TRPM3: variants seen among roughly 807,000 people sequenced by gnomAD.
TRPM3 encodes transient receptor potential cation channel subfamily M member 3, also known as long transient receptor potential channel 3.
TRPM3 carries 77 observed loss-of-function variants against 181.2 expected under a neutral mutation model. That is an observed-to-expected ratio of 0.42 (90% confidence interval 0.35 to 0.51). The LOEUF (loss-of-function observed/expected upper bound fraction) is 0.51. Ranked by LOEUF, TRPM3 falls within the 20% of genes least tolerant of loss-of-function variation. TRPM3 has a pLI of 0.01. For missense variants in TRPM3, 1,759 were observed against 2,196.7 expected, an observed-to-expected ratio of 0.80 and a Z score of 3.98; for synonymous variants, 745 against 796.4, an observed-to-expected ratio of 0.94 and a Z score of 1.09.
intron 1 of TRPM3, among the ~76,000 whole-genome samples, chr9:71,343,495 T>C (rs2091096768): frequency 6.6e-6 from 1 of 152,090 alleles, no homozygotes; most frequent in Non-Finnish European, 1.5e-5. Flanking sequence ...TCTGTTGATA[T>C]TGTTGAGAGC....
At chr9:71,425,346 A>G (rs2093845245) in intron 1 of TRPM3, among the ~76,000 whole-genome samples, 1 of 152,104 alleles carries the variant, frequency 6.6e-6, no homozygotes, top group Non-Finnish European at 1.5e-5. Context: ...AGCATGTTCA[A>G]AACTTGGCCT....
chr9:71,196,920 C>T (rs2078411021), intron 1 of TRPM3, among the ~76,000 whole-genome samples: 1 of 151,704 alleles, frequency 6.6e-6, no homozygotes, highest in African/African-American at 2.4e-5. Flanking sequence ...GCACAATGTG[C>T]AGGTTAGTTA....
intron 9 of TRPM3, among the ~76,000 whole-genome samples, chr9:70,655,305 C>CAAAAAA (rs1169901529): frequency 0.026 from 820 of 31,076 alleles, 30 homozygotes; most frequent in African/African-American, 0.032. Context: ...GACTCCGTCT[C>CAAAAAA]AAAAAAAAAA....
In TRPM3 at chr9:70,530,101, C is replaced by T. The variant is rs1384110823; in HGVS notation, c.*5852G>A. ...AAATTGGACGAGGTCAATGTGAACA[C>T]CAGCCGGGGTAGAGGCAGGAGGAGG... On this transcript the variant is annotated 3_prime_UTR_variant, in exon 26 of 26. Coordinates refer to ENST00000677713, the MANE Select transcript of TRPM3 (RefSeq NM_001366145.2). The T allele has an allele frequency of 6.6e-6, 1 of 152,234 alleles. No homozygotes were observed. The highest frequency in any genetic ancestry group is 1.5e-5 in the Non-Finnish European group (1 of 68,096). The allele number at this position is 152,234 out of a possible 1,614,324, so 9.4% of individuals were successfully genotyped here. A position where few individuals can be genotyped will look rare whatever the true frequency, so the allele number is the denominator to read the frequency against.
intron 17 of TRPM3, 42 bp from the exon 18 acceptor site, chr9:70,616,117 G>A: frequency 2.8e-6 from 4 of 1,448,204 alleles, no homozygotes; most frequent in African/African-American, 2.9e-5. Flanking sequence ...CACATTTAAA[G>A]GATTAAGATT....
intron 1 of TRPM3, among the ~76,000 whole-genome samples, chr9:71,353,141 C>CA (rs765373049): frequency 3.3e-5 from 5 of 152,026 alleles, no homozygotes; most frequent in Non-Finnish European, 7.4e-5. Context: ...ATTCATCCTT[C>CA]AGGTTACTGC....
At chr9:71,251,725 C>A (rs150764390) in intron 1 of TRPM3, among the ~76,000 whole-genome samples, 1,745 of 152,164 alleles carry the variant, frequency 0.011, 30 homozygotes, top group African/African-American at 0.04. Flanking sequence ...TCCAATTATA[C>A]CCTTTTAGTT....
chr9:71,039,308 G>A (rs1387008066), intron 1 of TRPM3, among the ~76,000 whole-genome samples: 2 of 152,146 alleles, frequency 1.3e-5, no homozygotes, highest in Non-Finnish European at 2.9e-5. Flanking sequence ...CTATACAGAA[G>A]GCTACACAGA....
chr9:71,227,494 G>A (rs953284638), intron 1 of TRPM3, among the ~76,000 whole-genome samples: 2 of 151,768 alleles, frequency 1.3e-5, no homozygotes, highest in African/African-American at 2.4e-5. Flanking sequence ...AATAACATAA[G>A]GGCCGAAATA....
intron 9 of TRPM3, among the ~76,000 whole-genome samples, chr9:70,642,104 A>G (rs1402144408): frequency 1.3e-5 from 2 of 152,202 alleles, no homozygotes; most frequent in Non-Finnish European, 2.9e-5. Context: ...GGAGGAGGAT[A>G]AAGAGACAAC....
chr9:71,142,686 T>C (rs2075181340), intron 1 of TRPM3, among the ~76,000 whole-genome samples: 1 of 152,122 alleles, frequency 6.6e-6, no homozygotes, highest in South Asian at 2.1e-4. Context: ...TACTTTATAC[T>C]GACAATTTAT....
chr9:70,547,760 G>A (rs1215738366), intron 25 of TRPM3, among the ~76,000 whole-genome samples: 1 of 152,088 alleles, frequency 6.6e-6, no homozygotes, highest in Admixed American at 6.6e-5. Context: ...CTGGACTTCT[G>A]AGAGTTGCTC....
chr9:70,979,239 A>G (rs895728516), intron 1 of TRPM3, among the ~76,000 whole-genome samples: 1 of 152,134 alleles, frequency 6.6e-6, no homozygotes, highest in African/African-American at 2.4e-5. Flanking sequence ...CCGTTAACCT[A>G]CAGACCTGGC....
chr9:70,530,725 C>T lies in TRPM3; in HGVS notation c.*5228G>A, dbSNP rs1281502939. The T allele has an allele frequency of 4.6e-5, 7 of 152,118 alleles. No homozygotes were observed. The highest frequency in any genetic ancestry group is 1.3e-4 in the Admixed American group (2 of 15,274). 9.4% of individuals were successfully genotyped at this position (152,118 alleles called of 1,614,324 possible). ...AATTAAAAGAAAAAAATTGCTTTTC[C>T]TTAATTGGAACCAGCCTTTCTTTTG... On this transcript the variant is annotated 3_prime_UTR_variant, in exon 26 of 26. Transcript: ENST00000677713.
chr9:70,812,692 T>C (rs190327017), intron 6 of TRPM3, among the ~76,000 whole-genome samples: 1 of 152,296 alleles, frequency 6.6e-6, no homozygotes, highest in East Asian at 1.9e-4. Flanking sequence ...CACTTGTTAA[T>C]GGAACCAAGC....
rs2041456027 is a variant in TRPM3, at chr9:70,535,196, T to C, written c.*757A>G. ...CGCCCACTGTATATAATAAATCACT[T>C]GACTTTTGTTTTTTTAACATCAACT... is the stretch of plus-strand genomic sequence containing the variant. On this transcript the variant is annotated 3_prime_UTR_variant, in exon 26 of 26. Coordinates refer to ENST00000677713, the MANE Select transcript of TRPM3 (RefSeq NM_001366145.2). 1.8e-6 allele frequency: 1 copy of C among 553,420 alleles called. No individual in the cohort carries two copies. Among genetic ancestry groups the C allele is most frequent in the Admixed American group, 3.4e-5 (1 of 29,032 alleles). The allele number at this position is 553,420 out of a possible 1,614,324, so 34.3% of individuals were successfully genotyped here.
chr9:71,392,367 G>T (rs1330220647), intron 1 of TRPM3, among the ~76,000 whole-genome samples: 1 of 152,086 alleles, frequency 6.6e-6, no homozygotes, highest in Non-Finnish European at 1.5e-5. Context: ...GACAATGTGG[G>T]TAGGGAATGG....
chr9:71,379,737 A>G (rs970699491), intron 1 of TRPM3, among the ~76,000 whole-genome samples: 1 of 151,780 alleles, frequency 6.6e-6, no homozygotes, highest in African/African-American at 2.4e-5. Context: ...CAGTCTTTAT[A>G]TGTTGAAAAG....
intron 1 of TRPM3, among the ~76,000 whole-genome samples, chr9:71,361,047 C>T (rs2092122977): frequency 6.6e-6 from 1 of 152,130 alleles, no homozygotes; most frequent in Non-Finnish European, 1.5e-5. Flanking sequence ...AGTGCAGTGG[C>T]ACAACCTCAG....
Sources: allele counts gnomAD v4.1 joint callset (sites outside exome capture counted in the v4.1 genomes callset), GRCh38; gene constraint gnomAD v4.1.1; transcripts MANE v1.5; gene names NCBI Gene and HGNC (gene_info 2026-07-23, HGNC 2026-07-21).